The following UST variants were observed in gnomAD, a reference collection of about 807,000 sequenced individuals.
The protein encoded by UST is uronyl 2-sulfotransferase, also known as chondroitin sulfate 2-O-sulfotransferase.
Under a neutral mutation model 45.6 loss-of-function variants are expected in UST, and 21 were observed. That is an observed-to-expected ratio of 0.46 (90% confidence interval 0.33 to 0.66). The LOEUF is 0.66. Ranked by LOEUF, UST falls within the 30% of genes least tolerant of loss-of-function variation. The pLI is 0.02. For synonymous variants in UST, 215 were observed against 200.6 expected, an observed-to-expected ratio of 1.07 and a Z score of -0.61; for missense variants, 463 against 512.4, an observed-to-expected ratio of 0.90 and a Z score of 0.93.
Position 148,747,565 on chromosome 6 carries a change from C to T in UST, c.135C>T (p.Leu45=). ...VPLLPFLRFS[L]RDYGFCMATL... ...TGCTGCCTTTCCTGCGCTTCTCCCT[C>T]CGGGACTACGGCTTCTGCATGGCCA... Residue 45 remains leucine (L), a synonymous_variant, in exon 1 of 8, where the codon CTC becomes CTT. Transcript: ENST00000367463. 1.3e-6 allele frequency: 2 copies of T among 1,582,014 alleles called. No homozygotes were observed. The highest frequency in any genetic ancestry group is 1.7e-6 in the Non-Finnish European group (2 of 1,165,882).
rs143443636 is a variant in UST at position 148,805,919 on chromosome 6, C to T, written c.247+58242C>T. On this transcript the variant is annotated intron_variant, in intron 1 of 7. Coordinates refer to ENST00000367463, the MANE Select transcript of UST (RefSeq NM_005715.3). ...AGAGGCTTTAACTGCAGAATTCTAC[C>T]TTAGGTGCTCTTAAGCAACTGTCGG... 4.0e-3 allele frequency among the ~76,000 whole-genome samples: 603 copies of T among 152,284 alleles called. 1 individual carries two copies. The highest frequency in any genetic ancestry group is 0.014 in the Middle Eastern group (4 of 294).
At chr6:148,774,375 A>G (rs1265434058) in intron 1 of UST, among the ~76,000 whole-genome samples, 3 of 151,572 alleles carry the variant, frequency 2.0e-5, no homozygotes, top group Admixed American at 6.6e-5. Context: ...TTTATGATCA[A>G]ATTCCACTTT....
In UST at chr6:148,798,146, C is replaced by G. The variant is rs893934665; in HGVS notation, c.247+50469C>G. ...AGAGAAGAAAAGAGCCTGCACCGAG[C>G]AGGCACATGATGGAGGGCAGAACAG... On this transcript the variant is annotated intron_variant, in intron 1 of 7. Transcript: ENST00000367463. Among the ~76,000 whole-genome samples the G allele has an allele frequency of 2.6e-5, 4 of 152,154 alleles. No homozygotes were observed. In the South Asian group the frequency reaches 8.3e-4, roughly 32 times the overall value.
intron 3 of UST, among the ~76,000 whole-genome samples, chr6:148,944,711 T>A (rs893514474): frequency 1.3e-5 from 2 of 152,182 alleles, no homozygotes; most frequent in Non-Finnish European, 2.9e-5. Context: ...TTGGGAAATA[T>A]CACCTCAACA....
intron 1 of UST, among the ~76,000 whole-genome samples, chr6:148,830,964 C>T (rs1777673322): frequency 6.6e-6 from 1 of 150,956 alleles, no homozygotes; most frequent in South Asian, 2.1e-4. Flanking sequence ...ATGTATTTTG[C>T]CACAGTAAAA....
intron 7 of UST, among the ~76,000 whole-genome samples, chr6:149,070,943 T>C (rs1350790263): frequency 6.6e-6 from 1 of 152,092 alleles, no homozygotes; most frequent in Non-Finnish European, 1.5e-5. Flanking sequence ...AATTTGTGTA[T>C]TTTTAGTAGA....
chr6:149,056,361 C>T (rs1334865903), intron 7 of UST, among the ~76,000 whole-genome samples: 2 of 152,082 alleles, frequency 1.3e-5, no homozygotes, highest in Non-Finnish European at 2.9e-5. Context: ...ACCACCTTGG[C>T]CTCTCAAAGT....
intron 5 of UST, among the ~76,000 whole-genome samples, chr6:148,965,616 G>A (rs765447416): frequency 6.6e-6 from 1 of 152,202 alleles, no homozygotes; most frequent in African/African-American, 2.4e-5. Flanking sequence ...GGAAGTGGAT[G>A]TTCAGAGGCT....
intron 5 of UST, among the ~76,000 whole-genome samples, chr6:148,994,662 T>G (rs1468555406): frequency 2.6e-5 from 4 of 152,134 alleles, no homozygotes; most frequent in African/African-American, 4.8e-5. Context: ...TAGTCAAGAG[T>G]TTCACTGTGG....
intron 1 of UST, among the ~76,000 whole-genome samples, chr6:148,796,623 C>CAAAA (rs11465084): frequency 0.03 from 2,656 of 88,388 alleles, 198 homozygotes; most frequent in Non-Finnish European, 0.044. Context: ...GACTCTGTCT[C>CAAAA]AAAAAAAAAA....
intron 7 of UST, among the ~76,000 whole-genome samples, chr6:149,022,579 G>A (rs1196682654): frequency 2.6e-5 from 4 of 152,104 alleles, no homozygotes; most frequent in African/African-American, 9.7e-5. Flanking sequence ...CAGCCTAGGC[G>A]ACAAGAGCGA....
chr6:148,758,036 T>A (rs915685599), intron 1 of UST, among the ~76,000 whole-genome samples: 2 of 152,228 alleles, frequency 1.3e-5, no homozygotes, highest in African/African-American at 4.8e-5. Flanking sequence ...AGTTCAACAA[T>A]TGCCAATTTT....
At chr6:149,043,015 C>CTTTTTCTT (rs761905752) in intron 7 of UST, among the ~76,000 whole-genome samples, 19 of 119,724 alleles carry the variant, frequency 1.6e-4, no homozygotes, top group Non-Finnish European at 2.2e-4. Flanking sequence ...TTCTTTCTTT[C>CTTTTTCTT]TTTCTTTTTC....
intron 1 of UST, among the ~76,000 whole-genome samples, chr6:148,777,045 C>T (rs573766015): frequency 2.6e-5 from 4 of 152,092 alleles, no homozygotes; most frequent in Non-Finnish European, 4.4e-5. Context: ...AAATACAGAA[C>T]GTGTTGGAAT....
chr6:148,912,955 A>G (rs1293381833), intron 2 of UST, among the ~76,000 whole-genome samples: 2 of 152,202 alleles, frequency 1.3e-5, no homozygotes, highest in Non-Finnish European at 2.9e-5. Context: ...GTGAAAATGC[A>G]GTAGGTCTGG....
intron 2 of UST, among the ~76,000 whole-genome samples, chr6:148,923,082 G>A (rs1351107459): frequency 6.6e-6 from 1 of 152,156 alleles, no homozygotes; most frequent in Non-Finnish European, 1.5e-5. Context: ...ACAGGCATAA[G>A]CCTTTTAGTG....
intron 1 of UST, among the ~76,000 whole-genome samples, chr6:148,833,003 G>A (rs756958941): frequency 6.6e-5 from 10 of 152,140 alleles, no homozygotes; most frequent in Non-Finnish European, 1.5e-4. Context: ...AGAAAAGAAA[G>A]TATAGGAGCT....
chr6:148,839,069 A>T (rs1394421566), intron 1 of UST, among the ~76,000 whole-genome samples: 1 of 152,256 alleles, frequency 6.6e-6, no homozygotes, highest in African/African-American at 2.4e-5. Context: ...TTTAATGTGC[A>T]GAGTAATCAC....
intron 1 of UST, among the ~76,000 whole-genome samples, chr6:148,867,198 A>G (rs998240715): frequency 3.9e-5 from 6 of 152,036 alleles, no homozygotes; most frequent in African/African-American, 1.4e-4. Context: ...TGGCAGGCAC[A>G]AAGTCATTCT....
Sources: allele counts gnomAD v4.1 joint callset (sites outside exome capture counted in the v4.1 genomes callset), GRCh38; gene constraint gnomAD v4.1.1; transcripts MANE v1.5; gene names NCBI Gene and HGNC (gene_info 2026-07-23, HGNC 2026-07-21).